RBM19: variants seen among roughly 807,000 people sequenced by gnomAD.
RBM19 encodes the protein probable RNA-binding protein 19.
A neutral mutation model predicts 116.8 loss-of-function variants in RBM19; 94 were observed. The observed-to-expected ratio is 0.80, with a 90% confidence interval of 0.68 to 0.95. The LOEUF is 0.95. RBM19 is among the 40% of genes least tolerant of loss of function. The pLI is 0.00. For missense variants in RBM19, 1,161 were observed against 1,220.7 expected, an observed-to-expected ratio of 0.95 and a Z score of 0.73; for synonymous variants, 475 against 494.1, an observed-to-expected ratio of 0.96 and a Z score of 0.51.
intron 21 of RBM19, among the ~76,000 whole-genome samples, chr12:113,913,948 C>A (rs1882611341): frequency 1.3e-5 from 2 of 152,196 alleles, no homozygotes; most frequent in South Asian, 2.1e-4. Context: ...TATTACCCTG[C>A]CCATGCCTTG....
intron 16 of RBM19, among the ~76,000 whole-genome samples, chr12:113,935,208 G>A (rs1227094771): frequency 2.6e-5 from 4 of 152,112 alleles, no homozygotes; most frequent in African/African-American, 9.7e-5. Context: ...GCCTCCTGTT[G>A]CCACCCAAGG....
chr12:113,963,491 C>A (rs934987571), intron 1 of RBM19, among the ~76,000 whole-genome samples: 3 of 152,198 alleles, frequency 2.0e-5, no homozygotes, highest in Non-Finnish European at 2.9e-5. Context: ...ATGACATTTT[C>A]TGAGGTAGCT....
At chr12:113,844,919 C>T in intron 22 of RBM19, 131 bp from the exon 23 acceptor site, 1 of 1,302,466 alleles carries the variant, frequency 7.7e-7, no homozygotes, top group Admixed American at 3.0e-5. Context: ...CATCTGATCT[C>T]CAGCGAGGGT....
At chr12:113,937,263 G>A (rs1183204097) in intron 15 of RBM19, 127 bp from the exon 16 acceptor site, 6 of 1,165,420 alleles carry the variant, frequency 5.1e-6, no homozygotes, top group African/African-American at 3.2e-5. Context: ...GAATGGAGCC[G>A]GAAGGAGCCC....
At chr12:113,870,790 G>A (rs760688986) in intron 21 of RBM19, among the ~76,000 whole-genome samples, 24 of 152,086 alleles carry the variant, frequency 1.6e-4, no homozygotes, top group Admixed American at 1.2e-3. Flanking sequence ...CACCAACACC[G>A]GCTTCTGCTT....
At chr12:113,950,048 A>C (rs1566037725) in intron 9 of RBM19, 35 bp downstream of exon 9, 1 of 1,536,192 alleles carries the variant, frequency 6.5e-7, no homozygotes, top group Non-Finnish European at 9.0e-7. Context: ...GGAACGCTGT[A>C]ACACAGAGAG....
At chr12:113,919,676 G>A (rs1882992695) in intron 19 of RBM19, among the ~76,000 whole-genome samples, 5 of 152,198 alleles carry the variant, frequency 3.3e-5, no homozygotes, top group Admixed American at 1.3e-4. Flanking sequence ...CTGCTAGAGA[G>A]TATCAATCTG....
intron 23 of RBM19, among the ~76,000 whole-genome samples, chr12:113,826,201 T>G (rs761714360): frequency 3.3e-5 from 5 of 152,186 alleles, no homozygotes; most frequent in African/African-American, 9.7e-5. Context: ...TGATGTACAC[T>G]TCCTAATCCC....
chr12:113,836,155 A>G (rs146432659), intron 23 of RBM19, among the ~76,000 whole-genome samples: 8 of 152,200 alleles, frequency 5.3e-5, no homozygotes, highest in African/African-American at 1.4e-4. Flanking sequence ...GAAGAATAGC[A>G]CTTCACCTAC....
intron 1 of RBM19, among the ~76,000 whole-genome samples, chr12:113,965,945 C>T (rs567621326): frequency 6.6e-6 from 1 of 152,230 alleles, no homozygotes; most frequent in Admixed American, 6.5e-5. Context: ...TTGTCATCTC[C>T]CCGAGAAGAG....
chr12:113,892,258 C>A (rs1371758989), intron 21 of RBM19, among the ~76,000 whole-genome samples: 4 of 152,144 alleles, frequency 2.6e-5, no homozygotes, highest in Non-Finnish European at 5.9e-5. Context: ...GCCACGAGAC[C>A]TCAGGTGAGT....
chr12:113,843,558 G>A (rs16943292), intron 23 of RBM19, among the ~76,000 whole-genome samples: 10,037 of 152,286 alleles, frequency 0.066, 645 homozygotes, highest in East Asian at 0.34. Flanking sequence ...CCAAGTAAGC[G>A]GGATCCAAAG....
chr12:113,854,027 C>T (rs1483655034), intron 22 of RBM19, among the ~76,000 whole-genome samples: 2 of 152,006 alleles, frequency 1.3e-5, no homozygotes, highest in African/African-American at 2.4e-5. Flanking sequence ...CGTGGAGATA[C>T]ACAGAATTTA....
chr12:113,966,059 CT>C, intron 1 of RBM19, 132 bp downstream of exon 1: 1 of 997,334 alleles, frequency 1.0e-6, no homozygotes, highest in Non-Finnish European at 1.6e-6. Context: ...ATCCCGCCCC[CT>C]TTGAGTTCAG....
intron 22 of RBM19, among the ~76,000 whole-genome samples, chr12:113,849,903 G>A (rs776632273): frequency 5.3e-5 from 8 of 152,302 alleles, no homozygotes; most frequent in Middle Eastern, 6.8e-3. Flanking sequence ...TTTCTACTGA[G>A]GTGAAGCAAA....
At chr12:113,901,473 T>G (rs898004309) in intron 21 of RBM19, among the ~76,000 whole-genome samples, 1 of 152,056 alleles carries the variant, frequency 6.6e-6, no homozygotes, top group East Asian at 1.9e-4. Context: ...GCCTGGCCTC[T>G]CACTCCATCA....
At position 113,895,336 on chromosome 12, in the gene RBM19, CTGGGAGGGAAA is replaced by C. The variant is rs1208294729; in HGVS notation, c.2558+19622_2558+19632del. On this transcript the variant is annotated intron_variant, in intron 21 of 23. Transcript: ENST00000261741. ...ATGATGGGGCAGGGAAGGTGAGCTG[CTGGGAGGGAAA>C]CAGTCAGGACCACCTCTCAACCATA... Among the ~76,000 whole-genome samples the C allele has an allele frequency of 2.6e-5, 4 of 152,126 alleles. No individual in the cohort carries two copies. In the East Asian group the frequency reaches 7.7e-4, roughly 29 times the overall value.
chr12:113,897,527 T>A lies in RBM19; in HGVS notation c.2558+17442A>T, dbSNP rs79559259. 4.6e-5 allele frequency among the ~76,000 whole-genome samples: 7 copies of A among 152,298 alleles called. No homozygotes were observed. The East Asian group carries it at 1.4e-3, about 29-fold the overall frequency. On this transcript the variant is annotated intron_variant, in intron 21 of 23. Transcript: ENST00000261741. ...GAAGGAGGTAAGATTCAAACACCAA[T>A]CTAGCCAGGTGTGGTGGCTCGCACC...
chr12:113,908,743 TCTGTGTGACCAGCCTCAGAG>T (rs1882239065), intron 21 of RBM19, among the ~76,000 whole-genome samples: 1 of 152,104 alleles, frequency 6.6e-6, no homozygotes, highest in South Asian at 2.1e-4. Context: ...GTTGTGCTGG[TCTGTGTGACCAGCCTCAGAG>T]CTGTGTGACC....
Sources: allele counts gnomAD v4.1 joint callset (sites outside exome capture counted in the v4.1 genomes callset), GRCh38; gene constraint gnomAD v4.1.1; transcripts MANE v1.5; gene names NCBI Gene and HGNC (gene_info 2026-07-23, HGNC 2026-07-21).